PCDHGA1: variants seen among roughly 807,000 people sequenced by gnomAD.
The protein encoded by PCDHGA1 is protocadherin gamma subfamily A, 1.
PCDHGA1 carries 32 observed loss-of-function variants against 58.0 expected under a neutral mutation model. The ratio of observed to expected loss-of-function variants is 0.55; its 90% CI spans 0.42 to 0.74. The LOEUF is 0.74. Ranked by LOEUF, PCDHGA1 falls within the 30% of genes least tolerant of loss-of-function variation. PCDHGA1 has a pLI of 0.00. For missense variants in PCDHGA1, 1,205 were observed against 1,182.3 expected, an observed-to-expected ratio of 1.02 and a Z score of -0.28; for synonymous variants, 498 against 501.1, an observed-to-expected ratio of 0.99 and a Z score of 0.08.
chr5:141,387,727 C>T, intron 1 of PCDHGA1: 3 of 1,216,044 alleles, frequency 2.5e-6, no homozygotes, highest in South Asian at 3.2e-5. Context: ...CTCCCCAGCG[C>T]CAGCCTTTAC....
At position 141,489,562 on chromosome 5, in the gene PCDHGA1, G is replaced by A. The variant is rs770734883; in HGVS notation, c.2422-5245G>A. ...CACCAGCTGCCTGCTGCCAGTGCAG[G>A]TGGTGACTGAACACCCCCTGGAGCT... On this transcript the variant is annotated intron_variant, in intron 1 of 3. Coordinates refer to ENST00000517417, the MANE Select transcript of PCDHGA1 (RefSeq NM_018912.3). The surrounding 1 kb of genome is among the most constrained non-coding windows in gnomAD (Gnocchi z 4.5). 2 of 1,614,114 alleles carry A rather than the reference G, an allele frequency of 1.2e-6. No homozygotes were observed. Among genetic ancestry groups the A allele is most frequent in the Non-Finnish European group, 1.7e-6 (2 of 1,180,028 alleles).
At chr5:141,480,703 C>G (rs577131684) in intron 1 of PCDHGA1, among the ~76,000 whole-genome samples, 1 of 152,134 alleles carries the variant, frequency 6.6e-6, no homozygotes, top group African/African-American at 2.4e-5. Context: ...GGCCACACCC[C>G]GACAAATGAA....
chr5:141,462,999 C>T (rs1360054048), intron 1 of PCDHGA1, among the ~76,000 whole-genome samples: 1 of 152,068 alleles, frequency 6.6e-6, no homozygotes, highest in Non-Finnish European at 1.5e-5. Flanking sequence ...TAATTTAGAC[C>T]TACCACTTAA....
rs114740440 is a variant in PCDHGA1 at position 141,426,595 on chromosome 5, C to T, written c.2422-68212C>T. The T allele has an allele frequency of 4.0e-3, 1,518 of 375,912 alleles. 5 individuals carry two copies. Among genetic ancestry groups the T allele is most frequent in the Non-Finnish European group, 5.9e-3 (1,105 of 185,722 alleles). 23.3% of individuals were successfully genotyped at this position (375,912 alleles called of 1,614,324 possible). ...GTCTTCAAAATCCTCTGTGTCATAC[C>T]CTTAGAGATTGTAGCAGAGAATCCT... On this transcript the variant is annotated intron_variant, in intron 1 of 3. Coordinates refer to ENST00000517417, the MANE Select transcript of PCDHGA1 (RefSeq NM_018912.3).
At chr5:141,461,394 G>A (rs2099014614) in intron 1 of PCDHGA1, among the ~76,000 whole-genome samples, 1 of 152,098 alleles carries the variant, frequency 6.6e-6, no homozygotes. Flanking sequence ...GATTAGCGAT[G>A]TTGAGCATTT....
chr5:141,385,108 A>G, intron 1 of PCDHGA1: 3 of 1,614,126 alleles, frequency 1.9e-6, no homozygotes. Context: ...GAACGTGCCC[A>G]CCTCGCACTT....
intron 1 of PCDHGA1, chr5:141,359,962 A>C (rs1174665843): frequency 1.7e-6 from 1 of 602,426 alleles, no homozygotes; most frequent in African/African-American, 1.9e-5. Context: ...GAACGAAGAG[A>C]AGCGTTTGGG....
At chr5:141,413,248 G>C in intron 1 of PCDHGA1, 1 of 1,613,962 alleles carries the variant, frequency 6.2e-7, no homozygotes, top group Non-Finnish European at 8.5e-7. Context: ...CCTTTTCTTC[G>C]GGATTCCATG....
intron 1 of PCDHGA1, chr5:141,366,227 C>G (rs1217431580): frequency 6.2e-7 from 1 of 1,613,816 alleles, no homozygotes; most frequent in South Asian, 1.1e-5. Context: ...GCGAGCCCTG[C>G]TGGACAGAGA....
chr5:141,431,702 T>C lies in PCDHGA1; in HGVS notation c.2422-63105T>C, dbSNP rs1349630251. The C allele has an allele frequency of 5.6e-6, 9 of 1,614,110 alleles. No individual in the cohort carries two copies. In the East Asian group the frequency reaches 8.9e-5, roughly 16 times the overall value. Reference sequence around the variant, plus strand: ...GTTGGACCACGAGGAGTCAGGATTCTACCAGATGGAAGTGCAAGCAATGGA... The same window carrying C: ...GTTGGACCACGAGGAGTCAGGATTCCACCAGATGGAAGTGCAAGCAATGGA... On this transcript the variant is annotated intron_variant, in intron 1 of 3. Transcript: ENST00000517417. This position sits in a 1 kb window ranked among gnomAD's most constrained non-coding sequence, Gnocchi z 4.8.
At chr5:141,415,395 CGGCTCGCACTTT>C (rs2095864519) in intron 1 of PCDHGA1, 2 of 1,614,092 alleles carry the variant, frequency 1.2e-6, no homozygotes. Flanking sequence ...CAGGTGTGTC[CGGCTCGCACTTT>C]GTGGGCGTGG....
chr5:141,365,250 T>C, intron 1 of PCDHGA1: 1 of 1,613,976 alleles, frequency 6.2e-7, no homozygotes, highest in Non-Finnish European at 8.5e-7. Flanking sequence ...CTACAATCAC[T>C]GGACTATGAA....
chr5:141,501,971 G>A (rs2099812098), intron 2 of PCDHGA1, among the ~76,000 whole-genome samples: 1 of 151,956 alleles, frequency 6.6e-6, no homozygotes. Context: ...CCTAACCTCT[G>A]GCATCTGGTC....
chr5:141,438,065 C>T (rs1385128405), intron 1 of PCDHGA1, among the ~76,000 whole-genome samples: 1 of 151,996 alleles, frequency 6.6e-6, no homozygotes, highest in Non-Finnish European at 1.5e-5. Flanking sequence ...TTTAAGAAAC[C>T]ATACTTAATG....
chr5:141,394,451 G>A (rs774912185), intron 1 of PCDHGA1: 1 of 1,614,118 alleles, frequency 6.2e-7, no homozygotes, highest in Non-Finnish European at 8.5e-7. Flanking sequence ...GCAGCAACAT[G>A]TCACTGAGCC....
At chr5:141,366,170 C>T in intron 1 of PCDHGA1, 1 of 1,614,082 alleles carries the variant, frequency 6.2e-7, no homozygotes, top group Non-Finnish European at 8.5e-7. Flanking sequence ...GGCCAGCGAG[C>T]CAGGACTCTT....
chr5:141,419,730 G>A (rs747960969), intron 1 of PCDHGA1: 9 of 1,613,746 alleles, frequency 5.6e-6, no homozygotes, highest in Non-Finnish European at 7.6e-6. Context: ...CTGCGAACAG[G>A]CGAGGTGCGC....
chr5:141,384,089 C>T, intron 1 of PCDHGA1: 1 of 1,596,318 alleles, frequency 6.3e-7, no homozygotes, highest in South Asian at 1.1e-5. Context: ...TTAGAAAAAT[C>T]AATAGATAAT....
rs774153595 is a variant in PCDHGA1 at position 141,366,148 on chromosome 5, C to A, written c.2421+33043C>A. ...CAGGCCAGAACGCCTGGCTGTCCTA[C>A]CGCCTGCTTAAGGCCAGCGAGCCAG... On this transcript the variant is annotated intron_variant, in intron 1 of 3. Coordinates refer to ENST00000517417, the MANE Select transcript of PCDHGA1 (RefSeq NM_018912.3). 1.9e-6 allele frequency: 3 copies of A among 1,614,172 alleles called. No individual in the cohort carries two copies. The South Asian group carries it at 3.3e-5, about 18-fold the overall frequency.
Sources: gnomAD v4.1 joint callset for allele counts (sites outside exome capture counted in the v4.1 genomes callset) on GRCh38, gnomAD v4.1.1 for gene constraint, Gnocchi (gnomAD v3.1) non-coding constraint, MANE v1.5 for transcripts, NCBI Gene and HGNC (gene_info 2026-07-23, HGNC 2026-07-21) for gene names.